CTU2: variants seen among roughly 807,000 people sequenced by gnomAD.
CTU2 encodes cytoplasmic tRNA 2-thiolation protein 2.
A neutral mutation model predicts 64.1 loss-of-function variants in CTU2; 80 were observed. The observed-to-expected ratio is 1.25, with a 90% CI of 1.04 to 1.50. The LOEUF is 1.50. CTU2 is among the 40% of genes most tolerant of loss of function. The pLI, the probability that CTU2 is intolerant of heterozygous loss-of-function variation, is 0.00. For missense variants in CTU2, 1,110 were observed against 690.2 expected (o/e 1.61, Z -6.81); for synonymous variants, 482 against 285.3 (o/e 1.69, Z -6.95).
intron 1 of CTU2, 138 bp downstream of exon 1, chr16:88,706,736 C>T (rs1195500457): frequency 6.4e-6 from 4 of 622,388 alleles, no homozygotes; most frequent in South Asian, 2.8e-5. Context: ...TCGGGGAATG[C>T]CTGTCAAGCG....
At chr16:88,711,447 G>C (rs534695175) in intron 4 of CTU2, among the ~76,000 whole-genome samples, 188 bp from the exon 5 acceptor site, 1 of 152,218 alleles carries the variant, frequency 6.6e-6, no homozygotes, top group Non-Finnish European at 1.5e-5. Context: ...TAAGTCGGGC[G>C]TGCGGCCTCG....
chr16:88,712,654 C>G lies in CTU2; in HGVS notation c.486C>G (p.Cys162Trp). The change falls in exon 7 of 15, where the codon TGC becomes TGG. Residue 162 changes from cysteine (C) to tryptophan (W), a missense_variant. By Grantham distance (215) the Cys-to-Trp change is radical. Coordinates refer to ENST00000453996, the MANE Select transcript of CTU2 (RefSeq NM_001012759.3). ...GCCTGCCACCGTCGGTGCTTTGGTG[C>G]TCTGCCCAGGAGCTGGTGGGATCCG... ...VFSLPPSVLW[C>W]SAQELVGSEG... 3 of 1,610,556 alleles carry G rather than the reference C, an allele frequency of 1.9e-6. No homozygotes were observed. Among genetic ancestry groups the G allele is most frequent in the Non-Finnish European group, 2.5e-6 (3 of 1,179,586 alleles).
chr16:88,706,983 G>A (rs1910905890), intron 1 of CTU2, 153 bp from the exon 2 acceptor site: 1 of 722,450 alleles, frequency 1.4e-6, no homozygotes, highest in South Asian at 1.8e-5. Flanking sequence ...CTTGAAGTTT[G>A]GACAGAACAC....
intron 9 of CTU2, 81 bp from the exon 10 acceptor site, chr16:88,714,055 C>G: frequency 1.5e-6 from 2 of 1,359,592 alleles, no homozygotes; most frequent in Non-Finnish European, 1.0e-6. Flanking sequence ...GTGGAACCCA[C>G]GGCACCTGTC....
In CTU2 at chr16:88,712,356, C is replaced by T. The variant is rs780835950; in HGVS notation, c.426C>T (p.Phe142=). 3 of 1,610,016 alleles carry T rather than the reference C, an allele frequency of 1.9e-6. No homozygotes were observed. In the East Asian group the frequency reaches 6.7e-5, roughly 36 times the overall value. Residue 142 remains phenylalanine (F), a synonymous_variant, in exon 6 of 15, where the codon TTC becomes TTT. Transcript: ENST00000453996. ...AGCCCATTCTGCAAGCAACTGGGTTCCCATGGCATGTGGTGGCCTTAGAGG... is the reference window on the plus strand; with the variant it reads ...AGCCCATTCTGCAAGCAACTGGGTTTCCATGGCATGTGGTGGCCTTAGAGG... ...EVKPILQATG[F]PWHVVALEEV... is the part of the protein sequence containing the mutation.
chr16:88,713,297 C>CG lies in CTU2; in HGVS notation c.738-14dup. 4 of 1,535,016 alleles carry CG rather than the reference C, an allele frequency of 2.6e-6. No homozygotes were observed. The highest frequency in any genetic ancestry group is 3.5e-6 in the Non-Finnish European group (4 of 1,136,282). ...TCCTGCACCCCCCAGGCCCCTGAGA[C>CG]GCTCTGTGCTTTAGGACCCACCTGA... On this transcript the variant is annotated splice_polypyrimidine_tract_variant and intron_variant, in intron 7 of 14. Coordinates refer to ENST00000453996, the MANE Select transcript of CTU2 (RefSeq NM_001012759.3).
In CTU2 at chr16:88,714,167, T is replaced by C; in HGVS notation, c.1037T>C (p.Met346Thr). 1 of 1,612,734 alleles carries C rather than the reference T, an allele frequency of 6.2e-7. No homozygotes were observed. The highest frequency in any genetic ancestry group is 8.5e-7 in the Non-Finnish European group (1 of 1,179,904). ...GAAAAGGCCAGCATCCACCGGCTGA[T>C]GGAGGCCTTCATCCTCAGGCTGCAG... The part of the protein sequence containing the change: ...APEKASIHRL[M>T]EAFILRLQTQ... Residue 346 changes from methionine (M) to threonine (T), a missense_variant, in exon 10 of 15, where the codon ATG becomes ACG. Physicochemically the swap from Met to Thr is moderately conservative, Grantham distance 81 (BLOSUM62 -1). Coordinates refer to ENST00000453996, the MANE Select transcript of CTU2 (RefSeq NM_001012759.3).
At chr16:88,706,829 C>T (rs559900646) in intron 1 of CTU2, 21 of 532,052 alleles carry the variant, frequency 3.9e-5, no homozygotes, top group Non-Finnish European at 6.0e-5. Context: ...CTGCCGCTGA[C>T]AGTGCTGTCC....
chr16:88,713,964 C>G (rs1257433634), intron 9 of CTU2, among the ~76,000 whole-genome samples, 172 bp from the exon 10 acceptor site: 1 of 152,202 alleles, frequency 6.6e-6, no homozygotes, highest in Non-Finnish European at 1.5e-5. Context: ...AGGAGGACCC[C>G]ACAGTGGGTG....
intron 1 of CTU2, 130 bp downstream of exon 1, chr16:88,706,728 G>A (rs1472685882): frequency 3.1e-6 from 2 of 643,866 alleles, no homozygotes; most frequent in Non-Finnish European, 4.8e-6. Flanking sequence ...CCTAGCACTC[G>A]GGGAATGCCT....
At chr16:88,706,802 A>G (rs1356950496) in intron 1 of CTU2, 19 of 525,356 alleles carry the variant, frequency 3.6e-5, no homozygotes, top group Non-Finnish European at 6.0e-5. Context: ...TCATCCTAGC[A>G]GCCACTGGGG....
At chr16:88,711,406 G>A (rs984348752) in intron 4 of CTU2, among the ~76,000 whole-genome samples, 1 of 152,180 alleles carries the variant, frequency 6.6e-6, no homozygotes, top group African/African-American at 2.4e-5. Flanking sequence ...TTTTACCAGG[G>A]GGATGAAGAC....
At chr16:88,708,963 G>A (rs1326732034) in intron 2 of CTU2, 1 of 152,164 alleles carries the variant, frequency 6.6e-6, no homozygotes, top group Non-Finnish European at 1.5e-5. Context: ...GAGTCAGATG[G>A]CTGGAAAGTT....
chr16:88,713,060 C>T (rs1224589248), intron 7 of CTU2, among the ~76,000 whole-genome samples, 155 bp downstream of exon 7: 10 of 46,832 alleles, frequency 2.1e-4, no homozygotes, highest in African/African-American at 1.1e-3. Context: ...CCCCCTTCCC[C>T]GGGCCCTGAC....
chr16:88,712,240 C>T (rs1212119954), intron 5 of CTU2, 34 bp from the exon 6 acceptor site: 2 of 1,548,782 alleles, frequency 1.3e-6, no homozygotes, highest in Admixed American at 1.9e-5. Context: ...TGGCTCCTCT[C>T]TGAGCCCTGA....
rs942217492 is a variant in CTU2, at chr16:88,709,691, C to T, written c.144-247C>T. On this transcript the variant is annotated intron_variant, in intron 2 of 14. Transcript: ENST00000453996. ...CTCTGCCCTCGTTTGCTGGATGCAG[C>T]CTCCGTGGCTGTGCAGTTTGTACCT... is the stretch of plus-strand genomic sequence containing the variant. 1.3e-5 allele frequency: 7 copies of T among 523,780 alleles called. No homozygotes were observed. The Middle Eastern group carries it at 1.2e-3, about 89-fold the overall frequency. The allele number at this position is 523,780 out of a possible 1,614,324, so 32.4% of individuals were successfully genotyped here.
Position 88,706,614 on chromosome 16 carries a change from C to G in CTU2, c.68+16C>G. On this transcript the variant is annotated intron_variant, in intron 1 of 14. Transcript: ENST00000453996. ...CGCGGCCCAGGTAAGAGCTGGCGGC[C>G]GGACCCGCCAGGCCGCCCCTCGCCT... 7.2e-7 allele frequency: 1 copy of G among 1,397,834 alleles called. No homozygotes were observed. Among genetic ancestry groups the G allele is most frequent in the Non-Finnish European group, 9.2e-7 (1 of 1,083,390 alleles). The allele number at this position is 1,397,834 out of a possible 1,614,324, so 86.6% of individuals were successfully genotyped here.
chr16:88,714,641 C>T lies in CTU2; in HGVS notation c.1256C>T (p.Ser419Leu). The change falls in exon 12 of 15, where the codon TCA (serine) becomes TTA (leucine). Residue 419 changes from serine (S) to leucine (L), a missense_variant. Transcript: ENST00000453996. The stretch of plus-strand genomic sequence containing the variant: ...TCCTCGCGTCTCTCCCAGATGCAGT[C>T]ACCCATCCCCCTGACTGAGACCCGG... The part of the protein sequence containing the change: ...QTSSRLSQMQ[S>L]PIPLTETRTP... 6.2e-7 allele frequency: 1 copy of T among 1,612,616 alleles called. No homozygotes were observed. The highest frequency in any genetic ancestry group is 8.5e-7 in the Non-Finnish European group (1 of 1,179,860).
chr16:88,712,492 G>A, intron 6 of CTU2, 109 bp downstream of exon 6: 3 of 1,452,392 alleles, frequency 2.1e-6, no homozygotes, highest in Non-Finnish European at 2.8e-6. Context: ...GGGGCTGTCG[G>A]TGGGGGGTGG....
Sources: allele counts gnomAD v4.1 joint callset (sites outside exome capture counted in the v4.1 genomes callset), GRCh38; gene constraint gnomAD v4.1.1; transcripts MANE v1.5; gene names NCBI Gene and HGNC (gene_info 2026-07-23, HGNC 2026-07-21).